ST14: variants seen among roughly 807,000 people sequenced by gnomAD.
ST14 encodes ST14 transmembrane serine protease matriptase, also known as suppressor of tumorigenicity 14 protein.
ST14 carries 40 observed loss-of-function variants against 96.5 expected under a neutral mutation model. The ratio of observed to expected loss-of-function variants is 0.41; its 90% CI spans 0.32 to 0.54. The LOEUF (loss-of-function observed/expected upper bound fraction) is 0.54, where lower values mean the gene tolerates loss of function less well. ST14 is among the 20% of genes least tolerant of loss of function. The pLI is 0.17. For synonymous variants in ST14, 506 were observed against 492.1 expected (o/e 1.03, Z -0.37); for missense variants, 1,066 against 1,188.9 (o/e 0.90, Z 1.52).
chr11:130,196,302 G>C, intron 9 of ST14, 37 bp from the exon 10 acceptor site: 1 of 1,517,144 alleles, frequency 6.6e-7, no homozygotes, highest in Non-Finnish European at 9.0e-7. Flanking sequence ...GAGGAGGGAG[G>C]GGAACTGCAC....
chr11:130,202,198 G>A (rs116788289), intron 16 of ST14, among the ~76,000 whole-genome samples: 1,528 of 152,274 alleles, frequency 0.01, 23 homozygotes, highest in African/African-American at 0.032. Context: ...CTTTTCCTTT[G>A]CTTCGTTGCT....
Position 130,188,396 on chromosome 11 carries a change from T to A in ST14, c.241+123T>A. On this transcript the variant is annotated intron_variant, in intron 2 of 18. Coordinates refer to ENST00000278742, the MANE Select transcript of ST14 (RefSeq NM_021978.4). The surrounding 1 kb of genome is among the most constrained non-coding windows in gnomAD (Gnocchi z 5.4). Reference sequence around the variant, plus strand: ...GGATCTCTTGGCCTCTCTGGAACCCTGATGGGGAGTGATGGGAAGCAGTCA... The same window carrying A: ...GGATCTCTTGGCCTCTCTGGAACCCAGATGGGGAGTGATGGGAAGCAGTCA... The A allele has an allele frequency of 6.3e-7, 1 of 1,583,526 alleles. No individual in the cohort carries two copies. Among genetic ancestry groups the A allele is most frequent in the East Asian group, 2.2e-5 (1 of 44,590 alleles).
intron 9 of ST14, among the ~76,000 whole-genome samples, chr11:130,195,958 A>G (rs1350134878): frequency 6.6e-6 from 1 of 151,934 alleles, no homozygotes; most frequent in Non-Finnish European, 1.5e-5. Context: ...GGAGTTTGAG[A>G]CCAGCCTGAC....
intron 1 of ST14, among the ~76,000 whole-genome samples, chr11:130,162,195 A>T (rs530687434): frequency 2.0e-5 from 3 of 152,160 alleles, no homozygotes; most frequent in South Asian, 4.1e-4. Context: ...TCCCCTTCCC[A>T]AGGCTGGTGG....
chr11:130,208,499 A>G lies in ST14; in HGVS notation c.2084A>G (p.Lys695Arg). The change falls in exon 17 of 19, where the codon AAG (lysine) becomes AGG (arginine). Residue 695 changes from lysine to arginine, a missense_variant. Coordinates refer to ENST00000278742, the MANE Select transcript of ST14 (RefSeq NM_021978.4). ...CCTGGGGTGCAGGAGCGCAGGCTCA[A>G]GCGCATCATCTCCCACCCCTTCTTC... is the stretch of plus-strand genomic sequence containing the variant. Reference protein sequence around the residue: ...SAPGVQERRLKRIISHPFFND... With the variant: ...SAPGVQERRLRRIISHPFFND... 1 of 1,614,246 alleles carries G rather than the reference A, an allele frequency of 6.2e-7. No individual in the cohort carries two copies. The highest frequency in any genetic ancestry group is 1.1e-5 in the South Asian group (1 of 91,090).
chr11:130,201,328 A>G (rs1433692484), intron 16 of ST14, among the ~76,000 whole-genome samples: 2 of 152,272 alleles, frequency 1.3e-5, no homozygotes, highest in Non-Finnish European at 2.9e-5. Flanking sequence ...CAACCTCGGA[A>G]GAAGGGGATG....
At position 130,188,358 on chromosome 11, in the gene ST14, A is replaced by G; in HGVS notation, c.241+85A>G. On this transcript the variant is annotated intron_variant, in intron 2 of 18. Transcript: ENST00000278742. This position sits in a 1 kb window ranked among gnomAD's most constrained non-coding sequence, Gnocchi z 5.4. ...TCAGCGGACAGACCCAGGGCCACCTACTGAGTACACGAGGATCTCTTGGCC... is the reference window on the plus strand; with the variant it reads ...TCAGCGGACAGACCCAGGGCCACCTGCTGAGTACACGAGGATCTCTTGGCC... 1 of 1,580,516 alleles carries G rather than the reference A, an allele frequency of 6.3e-7. No individual in the cohort carries two copies. Among genetic ancestry groups the G allele is most frequent in the Non-Finnish European group, 8.6e-7 (1 of 1,160,604 alleles).
rs758345715 is a variant in ST14, at chr11:130,208,423, A to G, written c.2008A>G (p.Thr670Ala). ...TCTCCCTACCAGGTACTCAGACCCC[A>G]CGCAGTGGACGGCCTTCCTGGGCTT... is the stretch of plus-strand genomic sequence containing the variant. Reference protein sequence around the residue: ...DDRGFRYSDPTQWTAFLGLHD... With the variant: ...DDRGFRYSDPAQWTAFLGLHD... The change falls in exon 17 of 19, where the codon ACG becomes GCG. Residue 670 changes from threonine to alanine, a missense_variant. Thr to Ala is a moderately conservative substitution (Grantham distance 58). Transcript: ENST00000278742. 1 of 1,614,078 alleles carries G rather than the reference A, an allele frequency of 6.2e-7. No individual in the cohort carries two copies. Among genetic ancestry groups the G allele is most frequent in the East Asian group, 2.2e-5 (1 of 44,880 alleles).
Position 130,197,842 on chromosome 11 carries a change from A to G in ST14, c.1356A>G (p.Pro452=). 1 of 1,569,446 alleles carries G rather than the reference A, an allele frequency of 6.4e-7. No homozygotes were observed. The highest frequency in any genetic ancestry group is 8.6e-7 in the Non-Finnish European group (1 of 1,160,790). ...AEYLSYDSSD[P]CPGQFTCRTG... ...CCTCAGGCCTGCCTGTGCCCGCAGCATGCCCGGGGCAGTTCACGTGCCGCA... is the reference window on the plus strand; with the variant it reads ...CCTCAGGCCTGCCTGTGCCCGCAGCGTGCCCGGGGCAGTTCACGTGCCGCA... The change falls in exon 12 of 19, where the codon CCA becomes CCG. Residue 452 remains proline, a splice_region_variant and synonymous_variant. Transcript: ENST00000278742.
At chr11:130,189,329 T>C (rs1953270454) in intron 4 of ST14, 1 of 440,476 alleles carries the variant, frequency 2.3e-6, no homozygotes, top group Non-Finnish European at 4.2e-6. Flanking sequence ...ATAGACTTTA[T>C]TCTCAAAGTG....
rs909579822 is a variant in ST14, at chr11:130,187,091, C to T, written c.82-1023C>T. 9.2e-5 allele frequency among the ~76,000 whole-genome samples: 14 copies of T among 152,146 alleles called. No homozygotes were observed. The highest frequency in any genetic ancestry group is 3.4e-4 in the African/African-American group (14 of 41,422). ...ACACTGTCGAATTACGAGATCACCA[C>T]CAGAAGAATGACATCAGGAAACTGT... On this transcript the variant is annotated intron_variant, in intron 1 of 18. Transcript: ENST00000278742. This position sits in a 1 kb window ranked among gnomAD's most constrained non-coding sequence, Gnocchi z 4.5.
rs1953264546 is a variant in ST14 at position 130,188,751 on chromosome 11, C to T, written c.369+94C>T. On this transcript the variant is annotated intron_variant, in intron 3 of 18. Coordinates refer to ENST00000278742, the MANE Select transcript of ST14 (RefSeq NM_021978.4). The surrounding 1 kb of genome is among the most constrained non-coding windows in gnomAD (Gnocchi z 5.4). ...ACATGCCTCGCCTGTGCTCCCAGGG[C>T]CCTGGGATGGGGGTGATCTGCAAAG... 6.2e-7 allele frequency: 1 copy of T among 1,609,470 alleles called. No individual in the cohort carries two copies. Among genetic ancestry groups the T allele is most frequent in the African/African-American group, 1.3e-5 (1 of 74,854 alleles).
chr11:130,175,304 T>TG (rs1816001225), intron 1 of ST14, among the ~76,000 whole-genome samples: 1 of 147,852 alleles, frequency 6.8e-6, no homozygotes, highest in Non-Finnish European at 1.5e-5. Context: ...GATTGGTGGG[T>TG]TTTTTTTTGT....
rs746543489 is a variant in ST14, at chr11:130,189,874, G to T, written c.576G>T (p.Val192=). 2.0e-5 allele frequency: 33 copies of T among 1,613,684 alleles called. No homozygotes were observed. In the African/African-American group the frequency reaches 3.2e-4, roughly 16 times the overall value. The change falls in exon 5 of 19, where the codon GTG becomes GTT. Residue 192 remains valine (V), a synonymous_variant. Transcript: ENST00000278742. ...GGGCGCGCTCCCTGAAGTCCTTTGT[G>T]GTCACCTCAGTGGTGGCTTTCCGTG... ...PPRARSLKSF[V]VTSVVAFPTD...
chr11:130,194,854 GTGTGTGTGTGTGTGTGTGTGTGCGTA>G, intron 9 of ST14, 117 bp downstream of exon 9: 1 of 59,312 alleles, frequency 1.7e-5, no homozygotes, highest in Non-Finnish European at 2.8e-5. Flanking sequence ...ATGTGTGCAT[GTGTGTGTGTGTGTGTGTGTGTGCGTA>G]TGTGTGTGTG....
At chr11:130,209,060 T>G (rs2136222168) in intron 17 of ST14, among the ~76,000 whole-genome samples, 1 of 152,276 alleles carries the variant, frequency 6.6e-6, no homozygotes, top group African/African-American at 2.4e-5. Flanking sequence ...ATTGAAAGAA[T>G]CCACTGTACA....
chr11:130,167,217 A>C (rs752641407), intron 1 of ST14, among the ~76,000 whole-genome samples: 2 of 152,226 alleles, frequency 1.3e-5, no homozygotes, highest in African/African-American at 2.4e-5. Context: ...TCTCAAAAAA[A>C]ATTTTTTTTA....
At chr11:130,196,084 C>T (rs1470796356) in intron 9 of ST14, among the ~76,000 whole-genome samples, 8 of 152,080 alleles carry the variant, frequency 5.3e-5, no homozygotes, top group Admixed American at 1.3e-4. Flanking sequence ...GGCGTGAACC[C>T]GGGAGGCGGA....
chr11:130,170,158 T>C (rs1404408196), intron 1 of ST14, among the ~76,000 whole-genome samples: 1 of 152,058 alleles, frequency 6.6e-6, no homozygotes, highest in African/African-American at 2.4e-5. Flanking sequence ...AGTCGAACTT[T>C]AAATGGGGCC....
Sources: allele counts gnomAD v4.1 joint callset (sites outside exome capture counted in the v4.1 genomes callset), GRCh38; gene constraint gnomAD v4.1.1; non-coding constraint Gnocchi (gnomAD v3.1); transcripts MANE v1.5; gene names NCBI Gene and HGNC (gene_info 2026-07-23, HGNC 2026-07-21).